Variants in CRTAC1 observed in about 807,000 individuals in gnomAD.
The protein encoded by CRTAC1 is cartilage acidic protein 1, also known as acidic secreted protein in cartilage.
In CRTAC1, 37 loss-of-function variants were observed where a neutral mutation model predicts 67.8. The ratio of observed to expected loss-of-function variants is 0.55; its 90% CI spans 0.42 to 0.72. The LOEUF is 0.72. CRTAC1 is among the 30% of genes least tolerant of loss of function. The pLI is 0.00. For synonymous variants in CRTAC1, 348 were observed against 371.0 expected, an observed-to-expected ratio of 0.94 and a Z score of 0.71; for missense variants, 780 against 931.6, an observed-to-expected ratio of 0.84 and a Z score of 2.12.
At chr10:97,916,196 T>A (rs2050494282) in intron 5 of CRTAC1, among the ~76,000 whole-genome samples, 1 of 150,194 alleles carries the variant, frequency 6.7e-6, no homozygotes, top group Non-Finnish European at 1.5e-5. Context: ...GGCACTTAAT[T>A]GCCAAGCCAG....
At chr10:98,025,709 G>A (rs186801430) in intron 1 of CRTAC1, among the ~76,000 whole-genome samples, 1 of 152,220 alleles carries the variant, frequency 6.6e-6, no homozygotes, top group Non-Finnish European at 1.5e-5. Context: ...GCAGAGCCCA[G>A]GCTGGCCTGG....
chr10:97,884,676 T>A (rs1196418819), intron 11 of CRTAC1: 1 of 258,458 alleles, frequency 3.9e-6, no homozygotes, highest in Non-Finnish European at 7.3e-6. Flanking sequence ...TTAACTCTAA[T>A]TAATTTAAAT....
In CRTAC1 at chr10:98,030,038, G is replaced by A. The variant is rs2136715844; in HGVS notation, c.24+411C>T. On this transcript the variant is annotated intron_variant, in intron 1 of 14. Coordinates refer to ENST00000370597, the MANE Select transcript of CRTAC1 (RefSeq NM_018058.7). The surrounding 1 kb of genome is among the most constrained non-coding windows in gnomAD (Gnocchi z 4.2). Reference sequence around the variant, plus strand: ...GAGGCCAGTGGCTTCCCAGGCCCGGGTCTCAGCCTGGCTGACTGGGAGACT... The same window carrying A: ...GAGGCCAGTGGCTTCCCAGGCCCGGATCTCAGCCTGGCTGACTGGGAGACT... 6.6e-6 allele frequency among the ~76,000 whole-genome samples: 1 copy of A among 151,814 alleles called. No individual in the cohort carries two copies. The highest frequency in any genetic ancestry group is 3.4e-3 in the Middle Eastern group (1 of 292).
intron 2 of CRTAC1, among the ~76,000 whole-genome samples, chr10:97,945,168 G>A (rs78637226): frequency 0.02 from 3,106 of 152,288 alleles, 112 homozygotes; most frequent in African/African-American, 0.07. Flanking sequence ...GAATTCTCTA[G>A]GATGGCTATT....
Position 97,895,993 on chromosome 10 carries a change from C to A in CRTAC1, c.1217-8G>T. On this transcript the variant is annotated splice_polypyrimidine_tract_variant and splice_region_variant and intron_variant, in intron 9 of 14. Transcript: ENST00000370597. The surrounding 1 kb of genome is among the most constrained non-coding windows in gnomAD (Gnocchi z 4.2). ...AGTCGGTCACCACACCCCCTACAAA[C>A]AATGCAGATTTCACCTCTGGCCGTA... 1 of 1,612,868 alleles carries A rather than the reference C, an allele frequency of 6.2e-7. No individual in the cohort carries two copies. Among genetic ancestry groups the A allele is most frequent in the Non-Finnish European group, 8.5e-7 (1 of 1,178,874 alleles).
intron 5 of CRTAC1, 83 bp downstream of exon 5, chr10:97,917,417 G>A: frequency 8.4e-7 from 1 of 1,187,676 alleles, no homozygotes; most frequent in Non-Finnish European, 1.1e-6. Context: ...TGTGGTCTCT[G>A]ATGAATTAGA....
chr10:97,939,356 C>T (rs2051136895), intron 2 of CRTAC1, among the ~76,000 whole-genome samples: 1 of 152,130 alleles, frequency 6.6e-6, no homozygotes, highest in African/African-American at 2.4e-5. Flanking sequence ...GGGTCAAATT[C>T]TTCGATCAGT....
chr10:97,991,084 G>A (rs1034056739), intron 2 of CRTAC1, among the ~76,000 whole-genome samples: 3 of 87,164 alleles, frequency 3.4e-5, no homozygotes, highest in Admixed American at 3.8e-4. Context: ...GGCAACATAC[G>A]AGAAACCATC....
chr10:98,028,946 A>G (rs1843298227), intron 1 of CRTAC1, among the ~76,000 whole-genome samples: 1 of 152,164 alleles, frequency 6.6e-6, no homozygotes, highest in Admixed American at 6.5e-5. Flanking sequence ...CCTTTTCCAG[A>G]GTCCATTAGT....
intron 1 of CRTAC1, among the ~76,000 whole-genome samples, chr10:98,024,515 G>A (rs776343359): frequency 8.5e-5 from 13 of 152,110 alleles, no homozygotes; most frequent in Non-Finnish European, 1.5e-4. Flanking sequence ...CACATATCCA[G>A]CCTCTTGTCA....
At chr10:97,918,838 CAG>C (rs1479460963) in intron 4 of CRTAC1, among the ~76,000 whole-genome samples, 1 of 151,570 alleles carries the variant, frequency 6.6e-6, no homozygotes, top group African/African-American at 2.4e-5. Flanking sequence ...GGCTGCAGTA[CAG>C]TGGTGTGATC....
intron 2 of CRTAC1, among the ~76,000 whole-genome samples, chr10:97,984,070 G>A (rs1202870019): frequency 1.3e-5 from 2 of 152,168 alleles, no homozygotes; most frequent in Non-Finnish European, 2.9e-5. Flanking sequence ...TTGCTTAAGA[G>A]GAAGAGACAA....
chr10:97,876,109 A>T (rs1298422790), intron 14 of CRTAC1, among the ~76,000 whole-genome samples: 1 of 152,044 alleles, frequency 6.6e-6, no homozygotes, highest in Non-Finnish European at 1.5e-5. Flanking sequence ...CCTGCTCTTG[A>T]TCCTGGGCAG....
intron 13 of CRTAC1, among the ~76,000 whole-genome samples, chr10:97,880,969 C>A (rs1319854854): frequency 2.6e-5 from 4 of 152,178 alleles, no homozygotes; most frequent in Non-Finnish European, 5.9e-5. Context: ...CCCCGCAGTC[C>A]ACCAGTCCAC....
At chr10:97,952,180 A>G (rs907912483) in intron 2 of CRTAC1, among the ~76,000 whole-genome samples, 25 of 152,028 alleles carry the variant, frequency 1.6e-4, no homozygotes, top group East Asian at 9.7e-4. Context: ...GTGAAACCCC[A>G]TCTCTACTAA....
chr10:98,030,354 G>T lies in CRTAC1; in HGVS notation c.24+95C>A. On this transcript the variant is annotated intron_variant, in intron 1 of 14. Transcript: ENST00000370597. The surrounding 1 kb of genome is among the most constrained non-coding windows in gnomAD (Gnocchi z 4.2). ...CAGTCTTCCCGGGTTCCCGGGCGGC[G>T]TCCCCGCCACCCTTGCGGGCGGATC... 1.2e-6 allele frequency: 1 copy of T among 805,528 alleles called. No homozygotes were observed. 49.9% of individuals were successfully genotyped at this position (805,528 alleles called of 1,614,324 possible). A position where few individuals can be genotyped will look rare whatever the true frequency, so the allele number is the denominator to read the frequency against.
chr10:97,968,666 G>T (rs1315508556), intron 2 of CRTAC1, among the ~76,000 whole-genome samples: 7 of 152,180 alleles, frequency 4.6e-5, no homozygotes, highest in Non-Finnish European at 1.0e-4. Flanking sequence ...CCCCAGGAAG[G>T]CAGTGCCGCC....
intron 1 of CRTAC1, among the ~76,000 whole-genome samples, chr10:98,015,728 G>A (rs919493731): frequency 2.0e-5 from 3 of 152,188 alleles, no homozygotes; most frequent in African/African-American, 4.8e-5. Context: ...AAACTTTAAT[G>A]TGTGTATGAA....
At chr10:97,987,879 T>A (rs966577248) in intron 2 of CRTAC1, among the ~76,000 whole-genome samples, 1 of 152,186 alleles carries the variant, frequency 6.6e-6, no homozygotes, top group Non-Finnish European at 1.5e-5. Flanking sequence ...TGAAGATCAA[T>A]CCTACCCCCT....
Sources: gnomAD v4.1 joint callset for allele counts (sites outside exome capture counted in the v4.1 genomes callset) on GRCh38, gnomAD v4.1.1 for gene constraint, Gnocchi (gnomAD v3.1) non-coding constraint, MANE v1.5 for transcripts, NCBI Gene and HGNC (gene_info 2026-07-23, HGNC 2026-07-21) for gene names.